The following SHF variants were observed in gnomAD, a reference collection of about 807,000 sequenced individuals.
SHF encodes the protein Src homology 2 domain containing F.
SHF carries 30 observed loss-of-function variants against 42.4 expected under a neutral mutation model. That is an observed-to-expected ratio of 0.71 (90% CI 0.53 to 0.96). The LOEUF is 0.96. Among genes scored for constraint, SHF ranks in the 40% least tolerant of loss-of-function variants. The pLI is 0.00. For missense variants in SHF, 598 were observed against 634.0 expected, an observed-to-expected ratio of 0.94 and a Z score of 0.61; for synonymous variants, 264 against 269.9, an observed-to-expected ratio of 0.98 and a Z score of 0.21.
intron 6 of SHF, chr15:45,170,499 A>G: frequency 1.6e-6 from 2 of 1,228,872 alleles, no homozygotes; most frequent in Non-Finnish European, 2.1e-6. Context: ...AAAAAGCGAT[A>G]ATCTATCAAC....
chr15:45,187,842 G>T lies in SHF; in HGVS notation c.110C>A (p.Ala37Asp), dbSNP rs1270641048. 1 of 1,021,146 alleles carries T rather than the reference G, an allele frequency of 9.8e-7. No individual in the cohort carries two copies. Among genetic ancestry groups the T allele is most frequent in the Non-Finnish European group, 1.2e-6 (1 of 807,700 alleles). 63.3% of individuals were successfully genotyped at this position (1,021,146 alleles called of 1,614,324 possible). The change falls in exon 1 of 7, where the codon GCC becomes GAC. Residue 37 changes from alanine (A) to aspartate (D), a missense_variant. By Grantham distance (126) the Ala-to-Asp change is moderately radical. Around this residue, in one of 2 missense-constraint regions of SHF, gnomAD observed 159 missense variants for 109.3 expected, o/e 1.45. Transcript: ENST00000690270. ...GCCGCTGCCGCCCCCTCCTGGGCCGGCTCCCGCACCCCCGGCGCCCCGGCG... is the reference window on the plus strand; with the variant it reads ...GCCGCTGCCGCCCCCTCCTGGGCCGTCTCCCGCACCCCCGGCGCCCCGGCG... ...GSRRGAGGAG[A>D]GPGGGGSGGV...
chr15:45,192,129 T>C (rs1417539343), upstream of SHF, among the ~76,000 whole-genome samples: 1 of 152,090 alleles, frequency 6.6e-6, no homozygotes, highest in Non-Finnish European at 1.5e-5. Flanking sequence ...AGGAATTCTA[T>C]CAGGCTACAA....
At chr15:45,177,841 A>G (rs1416884096) in intron 2 of SHF, among the ~76,000 whole-genome samples, 1 of 152,046 alleles carries the variant, frequency 6.6e-6, no homozygotes, top group Non-Finnish European at 1.5e-5. Context: ...TTTCATTTCA[A>G]ACTCATCCCC....
At chr15:45,190,332 G>A (rs764745184), upstream of SHF, among the ~76,000 whole-genome samples, 6 of 152,212 alleles carry the variant, frequency 3.9e-5, no homozygotes, top group Non-Finnish European at 8.8e-5. Flanking sequence ...TCCAGTTAAT[G>A]TATATCAGAG....
At chr15:45,178,681 C>T (rs374908409) in intron 1 of SHF, among the ~76,000 whole-genome samples, 10 of 152,110 alleles carry the variant, frequency 6.6e-5, no homozygotes, top group African/African-American at 2.2e-4. Flanking sequence ...ACTACAGGCA[C>T]GCACCACCAA....
chr15:45,195,634 G>A (rs187721331), intron 2 of SHF, among the ~76,000 whole-genome samples: 71 of 152,170 alleles, frequency 4.7e-4, no homozygotes, highest in Admixed American at 1.2e-3. Flanking sequence ...CTAACCCATA[G>A]GCAGTGTGCC....
At chr15:45,196,900 C>CA (rs71114317) in intron 2 of SHF, among the ~76,000 whole-genome samples, 36,238 of 87,382 alleles carry the variant, frequency 0.41, 6,393 homozygotes, top group East Asian at 0.62. Flanking sequence ...GACTCCGTCT[C>CA]AAAAAAAAAA....
chr15:45,200,168 T>C (rs1006796950), intron 1 of SHF, among the ~76,000 whole-genome samples: 17 of 152,230 alleles, frequency 1.1e-4, no homozygotes, highest in Admixed American at 1.1e-3. Context: ...TTTGTACGTA[T>C]GTCTACTACA....
exon 1 of SHF, chr15:45,201,043 C>G (rs1899074199): frequency 5.7e-6 from 2 of 349,804 alleles, no homozygotes; most frequent in Non-Finnish European, 1.1e-5. Context: ...AACGTGGGTG[C>G]GGGAGGAACC....
At chr15:45,170,653 T>C (rs1383803725) in intron 6 of SHF, 129 of 324,990 alleles carry the variant, frequency 4.0e-4, no homozygotes, top group Middle Eastern at 3.4e-3. Context: ...TTCTTTTTTT[T>C]TTTTTTTTTT....
chr15:45,175,323 G>T lies in SHF; in HGVS notation c.743C>A (p.Pro248His), dbSNP rs1897741021. ...TGGCAGGCGGGACTCCCGGGGCCAG[G>T]GGGCCCCCTCACCTTCCGCGGTGGC... ...DGATAEGEGA[P>H]WPRESRLPED... The change falls in exon 3 of 7, where the codon CCC (proline) becomes CAC (histidine). Residue 248 changes from proline (P) to histidine (H), a missense_variant. Physicochemically the swap from Pro to His is moderately conservative, Grantham distance 77. Around this residue, in one of 2 missense-constraint regions of SHF, gnomAD observed 439 missense variants for 524.6 expected, o/e 0.84. Coordinates refer to ENST00000690270, the MANE Select transcript of SHF (RefSeq NM_001394037.1). 1 of 1,606,066 alleles carries T rather than the reference G, an allele frequency of 6.2e-7. No individual in the cohort carries two copies.
chr15:45,187,775 C>T lies in SHF; in HGVS notation c.177G>A (p.Gly59=). The change falls in exon 1 of 7, where the codon GGG becomes GGA. Residue 59 remains glycine (G), a synonymous_variant. Transcript: ENST00000690270. ...KWLREHLGFR[G]GGGGGGGSKP... is the part of the protein sequence containing the mutation. ...TGCTGCCCCCTCCGCCGCCGCCCCCCCCGCGGAAGCCCAGGTGCTCCCGGA... is the reference window on the plus strand; with the variant it reads ...TGCTGCCCCCTCCGCCGCCGCCCCCTCCGCGGAAGCCCAGGTGCTCCCGGA... 4 of 862,292 alleles carry T rather than the reference C, an allele frequency of 4.6e-6. No individual in the cohort carries two copies. The highest frequency in any genetic ancestry group is 3.7e-5 in the East Asian group (1 of 26,672). 53.4% of individuals were successfully genotyped at this position (862,292 alleles called of 1,614,324 possible). A position where few individuals can be genotyped will look rare whatever the true frequency, so the allele number is the denominator to read the frequency against.
Position 45,172,703 on chromosome 15 carries a change from C to T in SHF, c.989-385G>A, listed in dbSNP as rs914981067. On this transcript the variant is annotated intron_variant, in intron 4 of 6. Coordinates refer to ENST00000690270, the MANE Select transcript of SHF (RefSeq NM_001394037.1). The stretch of plus-strand genomic sequence containing the variant: ...CTTTCTCCTCCTCAGAGTTCATTAC[C>T]GTTCTCCAAATCACCCTGCCAAGCC... 5.3e-5 allele frequency among the ~76,000 whole-genome samples: 8 copies of T among 152,194 alleles called. No homozygotes were observed. The South Asian group carries it at 1.4e-3, about 28-fold the overall frequency.
chr15:45,198,640 G>T (rs994959297), intron 2 of SHF: 2 of 1,161,166 alleles, frequency 1.7e-6, no homozygotes, highest in African/African-American at 1.5e-5. Context: ...GGTTGCTGCG[G>T]CCACAACGCA....
At chr15:45,168,473 C>T (rs1184471828) in intron 6 of SHF, among the ~76,000 whole-genome samples, 1 of 152,212 alleles carries the variant, frequency 6.6e-6, no homozygotes, top group Non-Finnish European at 1.5e-5. Context: ...GCCCTCCAGC[C>T]TCTGTGGCCA....
rs368719924 is a variant in SHF at position 45,172,296 on chromosome 15, C to G, written c.1011G>C (p.Lys337Asn). ...CCTCCCGGCCAGGTGACAGGCAGCT[C>G]TTCTCCGGTCCTTCAAACTGGGCTG... ...DSSAQFEGPE[K>N]SCLSPGREEK... Residue 337 changes from lysine (K) to asparagine (N), a missense_variant, in exon 5 of 7, where the codon AAG becomes AAC. By Grantham distance (94) the Lys-to-Asn change is moderately conservative (BLOSUM62 0). Around this residue, in one of 2 missense-constraint regions of SHF, gnomAD observed 439 missense variants for 524.6 expected, o/e 0.84. Transcript: ENST00000690270. 4 of 1,607,712 alleles carry G rather than the reference C, an allele frequency of 2.5e-6. No individual in the cohort carries two copies. In the South Asian group the frequency reaches 3.3e-5, roughly 13 times the overall value.
At chr15:45,196,900 C>G (rs371224529) in intron 2 of SHF, among the ~76,000 whole-genome samples, 1 of 87,774 alleles carries the variant, frequency 1.1e-5, no homozygotes, top group African/African-American at 5.0e-5. Context: ...GACTCCGTCT[C>G]AAAAAAAAAA....
rs192514189 is a variant in SHF, at chr15:45,185,109, C to T, written c.498+2345G>A. 5.3e-5 allele frequency among the ~76,000 whole-genome samples: 8 copies of T among 152,354 alleles called. No homozygotes were observed. The East Asian group carries it at 1.5e-3, about 29-fold the overall frequency. ...CACCCATTTCATCAAATCTCATGAC[C>T]CATCCCTTCTCAGAGGGTTCTGACT... On this transcript the variant is annotated intron_variant, in intron 1 of 6. Coordinates refer to ENST00000690270, the MANE Select transcript of SHF (RefSeq NM_001394037.1).
At chr15:45,197,827 G>GAA (rs59128375) in intron 2 of SHF, among the ~76,000 whole-genome samples, 3 of 133,626 alleles carry the variant, frequency 2.2e-5, no homozygotes, top group African/African-American at 5.6e-5. Context: ...ATCACCTCAG[G>GAA]AAAAAAAAAA....
Sources: gnomAD v4.1 joint callset for allele counts (sites outside exome capture counted in the v4.1 genomes callset) on GRCh38, gnomAD v4.1.1 for gene constraint, gnomAD v4.1.1 regional missense constraint, MANE v1.5 for transcripts, NCBI Gene and HGNC (gene_info 2026-07-23, HGNC 2026-07-21) for gene names.